The following FHAD1 variants were observed in gnomAD, a reference collection of about 807,000 sequenced individuals.
FHAD1 encodes the protein forkhead-associated domain-containing protein 1.
A neutral mutation model predicts 191.3 loss-of-function variants in FHAD1; 146 were observed. That is an observed-to-expected ratio of 0.76 (90% CI 0.67 to 0.88). The LOEUF is 0.88. Ranked by LOEUF, FHAD1 falls within the 40% of genes least tolerant of loss-of-function variation. The pLI, the probability that FHAD1 is intolerant of heterozygous loss-of-function variation, is 0.00. For missense variants in FHAD1, 1,635 were observed against 1,785.8 expected, an observed-to-expected ratio of 0.92 and a Z score of 1.52; for synonymous variants, 616 against 672.3, an observed-to-expected ratio of 0.92 and a Z score of 1.29.
At chr1:15,379,627 T>A (rs376683952) in intron 28 of FHAD1, among the ~76,000 whole-genome samples, 10 of 151,350 alleles carry the variant, frequency 6.6e-5, no homozygotes, top group Admixed American at 1.3e-4. Flanking sequence ...ATTTCAGACT[T>A]TCACATGGGG....
At chr1:15,271,758 C>T (rs1264738327) in intron 2 of FHAD1, among the ~76,000 whole-genome samples, 3 of 152,212 alleles carry the variant, frequency 2.0e-5, no homozygotes, top group Admixed American at 2.0e-4. Context: ...ATGTGAACCT[C>T]AATGTTAACC....
At chr1:15,243,081 C>G (rs114187900), upstream of FHAD1, among the ~76,000 whole-genome samples, 1 of 152,180 alleles carries the variant, frequency 6.6e-6, no homozygotes, top group South Asian at 2.1e-4. Flanking sequence ...CCAAGGGGAA[C>G]TGACTTTGAA....
At chr1:15,310,937 G>A (rs1299776537) in intron 7 of FHAD1, among the ~76,000 whole-genome samples, 7 of 152,042 alleles carry the variant, frequency 4.6e-5, no homozygotes, top group Non-Finnish European at 4.4e-5. Flanking sequence ...AACAAGGTGC[G>A]GATTTCCTCA....
At chr1:15,400,979 G>A (rs1707111645), downstream of FHAD1, among the ~76,000 whole-genome samples, 1 of 152,224 alleles carries the variant, frequency 6.6e-6, no homozygotes, top group Non-Finnish European at 1.5e-5. Flanking sequence ...ATTTGAAGCT[G>A]AATACATTCC....
intron 5 of FHAD1, among the ~76,000 whole-genome samples, chr1:15,298,644 T>TC (rs1367278090): frequency 1.3e-5 from 2 of 152,170 alleles, no homozygotes; most frequent in African/African-American, 4.8e-5. Flanking sequence ...TATCACTTTT[T>TC]CTTGGTCAAA....
chr1:15,263,081 G>C (rs922643897), intron 2 of FHAD1, among the ~76,000 whole-genome samples: 2 of 152,092 alleles, frequency 1.3e-5, no homozygotes, highest in African/African-American at 2.4e-5. Context: ...TCATATACTT[G>C]TTGGCCATTT....
intron 28 of FHAD1, among the ~76,000 whole-genome samples, chr1:15,379,575 T>G (rs3001999): frequency 0.38 from 57,783 of 151,936 alleles, 14,069 homozygotes; most frequent in African/African-American, 0.7. Context: ...TACGGGTGTC[T>G]GGCTGGGGGA....
chr1:15,309,118 A>T (rs1285650392), intron 7 of FHAD1, among the ~76,000 whole-genome samples: 1 of 152,228 alleles, frequency 6.6e-6, no homozygotes, highest in Non-Finnish European at 1.5e-5. Flanking sequence ...TGGGGTTGCC[A>T]GTTTAAGGCA....
In FHAD1 at chr1:15,298,346, A is replaced by G. The variant is rs934088706; in HGVS notation, c.678+1553A>G. Among the ~76,000 whole-genome samples, 4 of 152,222 alleles carry G rather than the reference A, an allele frequency of 2.6e-5. No individual in the cohort carries two copies. The East Asian group carries it at 7.7e-4, about 29-fold the overall frequency. On this transcript the variant is annotated intron_variant, in intron 5 of 33. Transcript: ENST00000688493. ...TAAGCTATGAGGACGCAAAGGCATA[A>G]GAGTGATGCAGTAGACTTTGGGGAT... is the stretch of plus-strand genomic sequence containing the variant.
intron 23 of FHAD1, among the ~76,000 whole-genome samples, 195 bp downstream of exon 23, chr1:15,362,921 G>A (rs1408577635): frequency 1.3e-5 from 2 of 152,108 alleles, no homozygotes; most frequent in Non-Finnish European, 1.5e-5. Flanking sequence ...CAAACAAGGA[G>A]CCAGGCCTGC....
In FHAD1 at chr1:15,311,586, A is replaced by G. The variant is rs961445238; in HGVS notation, c.1040-1471A>G. Among the ~76,000 whole-genome samples the G allele has an allele frequency of 1.3e-5, 2 of 152,188 alleles. No individual in the cohort carries two copies. The highest frequency in any genetic ancestry group is 6.5e-5 in the Admixed American group (1 of 15,280). On this transcript the variant is annotated intron_variant, in intron 7 of 33. Coordinates refer to ENST00000688493, the MANE Select transcript of FHAD1 (RefSeq NM_001391957.1). This position sits in a 1 kb window ranked among gnomAD's most constrained non-coding sequence, Gnocchi z 4.1. ...TCCCCGGACGAAGCTCATTTTTACAATGAAATTCTGAATCATGTTGTTCTT... is the reference window on the plus strand; with the variant it reads ...TCCCCGGACGAAGCTCATTTTTACAGTGAAATTCTGAATCATGTTGTTCTT...
intron 14 of FHAD1, among the ~76,000 whole-genome samples, chr1:15,330,450 T>C (rs1432134027): frequency 6.6e-6 from 1 of 152,138 alleles, no homozygotes; most frequent in Admixed American, 6.5e-5. Context: ...TCTTCCAATA[T>C]GTCCATACAT....
chr1:15,394,577 C>T (rs978471922), intron 33 of FHAD1, among the ~76,000 whole-genome samples: 1 of 152,172 alleles, frequency 6.6e-6, no homozygotes, highest in Non-Finnish European at 1.5e-5. Context: ...CTGTCAGCCA[C>T]TGTCACAGGC....
chr1:15,239,905 T>C (rs1645164779), intron 1 of FHAD1, among the ~76,000 whole-genome samples: 1 of 152,222 alleles, frequency 6.6e-6, no homozygotes, highest in South Asian at 2.1e-4. Context: ...CTGCTGAATC[T>C]GCAACTCAGC....
At position 15,397,395 on chromosome 1, in the gene FHAD1, G is replaced by A; in HGVS notation, c.4422G>A (p.Lys1474=). The A allele has an allele frequency of 6.5e-7, 1 of 1,536,598 alleles. No homozygotes were observed. The highest frequency in any genetic ancestry group is 8.8e-7 in the Non-Finnish European group (1 of 1,136,912). ...CCAGCCAGAGCCTTTTGCATTCTAA[G>A]CCCAGTGGAAAGTACTAGAGAAACC... ...SKSSQSLLHS[K]PSGKY is the part of the protein sequence containing the mutation. Residue 1474 remains lysine (K), a synonymous_variant, in exon 34 of 34, where the codon AAG becomes AAA. Coordinates refer to ENST00000688493, the MANE Select transcript of FHAD1 (RefSeq NM_001391957.1).
chr1:15,315,929 T>C (rs1674289733), intron 8 of FHAD1, among the ~76,000 whole-genome samples: 1 of 152,230 alleles, frequency 6.6e-6, no homozygotes, highest in Non-Finnish European at 1.5e-5. Context: ...ATTATATATG[T>C]TCTTAATGCC....
At chr1:15,347,358 G>A (rs759697055) in intron 18 of FHAD1, among the ~76,000 whole-genome samples, 24 of 152,228 alleles carry the variant, frequency 1.6e-4, no homozygotes, top group Admixed American at 2.6e-4. Flanking sequence ...GTCACCCCGC[G>A]TCTGTTAAAA....
intron 23 of FHAD1, among the ~76,000 whole-genome samples, chr1:15,364,872 G>A (rs1270324125): frequency 6.6e-6 from 1 of 152,114 alleles, no homozygotes; most frequent in Non-Finnish European, 1.5e-5. Flanking sequence ...CCTGCTGGGC[G>A]CCCTTCACCT....
intron 18 of FHAD1, among the ~76,000 whole-genome samples, chr1:15,347,663 G>A (rs552831468): frequency 1.3e-5 from 2 of 152,344 alleles, no homozygotes; most frequent in South Asian, 4.1e-4. Context: ...TGGCCAGGCT[G>A]CTCTTGAACT....
Sources: allele counts gnomAD v4.1 joint callset (sites outside exome capture counted in the v4.1 genomes callset), GRCh38; gene constraint gnomAD v4.1.1; non-coding constraint Gnocchi (gnomAD v3.1); transcripts MANE v1.5; gene names NCBI Gene and HGNC (gene_info 2026-07-23, HGNC 2026-07-21).